Variants in CDH13 observed in about 807,000 individuals in gnomAD.
CDH13 encodes the protein cadherin-13.
A neutral mutation model predicts 63.8 loss-of-function variants in CDH13; 24 were observed. That is an observed-to-expected ratio of 0.38 (90% CI 0.27 to 0.53). CDH13 has a LOEUF of 0.53. Ranked by LOEUF, CDH13 falls within the 20% of genes least tolerant of loss-of-function variation. The pLI is 0.85. For synonymous variants in CDH13, 503 were observed against 355.3 expected, an observed-to-expected ratio of 1.42 and a Z score of -4.67; for missense variants, 1,049 against 903.1, an observed-to-expected ratio of 1.16 and a Z score of -2.07.
chr16:83,140,573 C>T (rs2036487216), intron 4 of CDH13, among the ~76,000 whole-genome samples: 1 of 152,142 alleles, frequency 6.6e-6, no homozygotes, highest in Non-Finnish European at 1.5e-5. Flanking sequence ...CCTGCCTCAG[C>T]CCCCAGGGTA....
intron 2 of CDH13, among the ~76,000 whole-genome samples, chr16:82,945,756 C>T (rs950218323): frequency 9.9e-5 from 15 of 152,184 alleles, no homozygotes; most frequent in East Asian, 1.9e-4. Context: ...TGACACAAGG[C>T]GTTTTGATAG....
intron 6 of CDH13, among the ~76,000 whole-genome samples, chr16:83,402,297 G>A (rs779635686): frequency 1.5e-4 from 23 of 152,114 alleles, no homozygotes; most frequent in Non-Finnish European, 3.1e-4. Context: ...TTTGTGCCAT[G>A]CATGAGCTCA....
At chr16:83,230,987 T>C (rs1297672197) in intron 5 of CDH13, among the ~76,000 whole-genome samples, 1 of 152,222 alleles carries the variant, frequency 6.6e-6, no homozygotes, top group African/African-American at 2.4e-5. Context: ...TCAGAATGGT[T>C]GCTCCCTTTG....
intron 2 of CDH13, among the ~76,000 whole-genome samples, chr16:82,881,402 A>G (rs1597887918): frequency 6.6e-6 from 1 of 152,186 alleles, no homozygotes; most frequent in Non-Finnish European, 1.5e-5. Context: ...GGCTCAGTCA[A>G]TATCACAGGG....
chr16:82,756,259 A>C (rs1028670428), intron 1 of CDH13, among the ~76,000 whole-genome samples: 1 of 152,200 alleles, frequency 6.6e-6, no homozygotes, highest in African/African-American at 2.4e-5. Flanking sequence ...ATTTGGGGAA[A>C]GAGGAAAAGG....
chr16:82,928,978 T>G (rs1184670979), intron 2 of CDH13, among the ~76,000 whole-genome samples: 3 of 152,212 alleles, frequency 2.0e-5, no homozygotes, highest in African/African-American at 7.2e-5. Flanking sequence ...TGCATAACAT[T>G]ATATTCAATT....
At chr16:82,807,273 A>G (rs917208728) in intron 1 of CDH13, among the ~76,000 whole-genome samples, 16 of 152,146 alleles carry the variant, frequency 1.1e-4, no homozygotes, top group East Asian at 1.9e-4. Context: ...CAAACATTTT[A>G]TTTTTTGTCC....
At chr16:82,979,640 C>T (rs535640737) in intron 2 of CDH13, among the ~76,000 whole-genome samples, 1 of 152,206 alleles carries the variant, frequency 6.6e-6, no homozygotes, top group Non-Finnish European at 1.5e-5. Flanking sequence ...CTGAGGCTTC[C>T]CAAGCCGTGC....
chr16:82,834,473 A>G (rs570470992), intron 1 of CDH13, among the ~76,000 whole-genome samples: 2 of 152,336 alleles, frequency 1.3e-5, no homozygotes, highest in Admixed American at 1.3e-4. Context: ...CCCTCTAAAA[A>G]AAAGAAAAGA....
chr16:82,749,750 TG>T (rs988903993), intron 1 of CDH13, among the ~76,000 whole-genome samples: 6 of 152,170 alleles, frequency 3.9e-5, no homozygotes, highest in African/African-American at 1.4e-4. Context: ...AGTCATTTTT[TG>T]CTTCCCTCCT....
At chr16:82,984,117 A>G (rs1399385593) in intron 2 of CDH13, among the ~76,000 whole-genome samples, 1 of 152,328 alleles carries the variant, frequency 6.6e-6, no homozygotes, top group African/African-American at 2.4e-5. Flanking sequence ...GGAGGCCATT[A>G]AACACACCCC....
chr16:83,297,675 A>C (rs1028555834), intron 5 of CDH13, among the ~76,000 whole-genome samples: 1 of 152,112 alleles, frequency 6.6e-6, no homozygotes, highest in Middle Eastern at 3.2e-3. Context: ...CATAACTTCA[A>C]CCAGTCAAGG....
intron 1 of CDH13, among the ~76,000 whole-genome samples, chr16:82,800,851 T>A (rs1236188779): frequency 3.3e-5 from 5 of 152,210 alleles, no homozygotes; most frequent in African/African-American, 1.2e-4. Flanking sequence ...TTTTACTCAT[T>A]TGTAGTCAGT....
chr16:83,709,392 C>T (rs569474611), intron 10 of CDH13, among the ~76,000 whole-genome samples: 115 of 152,318 alleles, frequency 7.5e-4, no homozygotes, highest in Middle Eastern at 6.8e-3. Flanking sequence ...GTTCCCCCAG[C>T]GGACTCCCTC....
intron 13 of CDH13, among the ~76,000 whole-genome samples, chr16:83,793,164 A>T (rs1916385170): frequency 1.3e-5 from 2 of 152,220 alleles, no homozygotes; most frequent in African/African-American, 4.8e-5. Flanking sequence ...GGCTTTGCCA[A>T]CTATTACTGT....
chr16:83,655,789 T>C (rs4782549), intron 8 of CDH13, among the ~76,000 whole-genome samples: 25,312 of 152,118 alleles, frequency 0.17, 2,354 homozygotes, highest in East Asian at 0.27. Context: ...ATTGAATCAA[T>C]GAATCATGTT....
intron 5 of CDH13, among the ~76,000 whole-genome samples, chr16:83,304,404 G>C (rs893948642): frequency 4.6e-5 from 7 of 152,168 alleles, no homozygotes; most frequent in Admixed American, 1.3e-4. Context: ...TGGGTGGGTT[G>C]GGGAATGAGA....
chr16:83,054,752 T>C (rs919794705), intron 3 of CDH13, among the ~76,000 whole-genome samples: 2 of 152,122 alleles, frequency 1.3e-5, no homozygotes, highest in African/African-American at 4.8e-5. Flanking sequence ...AGCTGAAAAC[T>C]TTAACACATT....
chr16:83,736,071 G>A (rs1911511028), intron 10 of CDH13, among the ~76,000 whole-genome samples: 1 of 152,070 alleles, frequency 6.6e-6, no homozygotes, highest in Non-Finnish European at 1.5e-5. Flanking sequence ...CATTTCTGCT[G>A]CTTAGAAAAA....
Sources: allele counts gnomAD v4.1 joint callset (sites outside exome capture counted in the v4.1 genomes callset), GRCh38; gene constraint gnomAD v4.1.1; transcripts MANE v1.5; gene names NCBI Gene and HGNC (gene_info 2026-07-23, HGNC 2026-07-21).